GRXCR2: variants seen among roughly 807,000 people sequenced by gnomAD.
The protein encoded by GRXCR2 is glutaredoxin domain-containing cysteine-rich protein 2.
A neutral mutation model predicts 24.8 loss-of-function variants in GRXCR2; 23 were observed. The observed-to-expected ratio is 0.93, with a 90% CI of 0.67 to 1.32. GRXCR2 has a LOEUF of 1.32. Among genes scored for constraint, GRXCR2 ranks in the 40% most tolerant of loss-of-function variants. The pLI, the probability that GRXCR2 is intolerant of heterozygous loss-of-function variation, is 0.00. For missense variants in GRXCR2, 315 were observed against 303.4 expected, an observed-to-expected ratio of 1.04 and a Z score of -0.28; for synonymous variants, 130 against 116.1, an observed-to-expected ratio of 1.12 and a Z score of -0.77.
chr5:145,892,225 C>T (rs1581344132), intron 2 of GRXCR2, among the ~76,000 whole-genome samples: 1 of 152,122 alleles, frequency 6.6e-6, no homozygotes, highest in East Asian at 1.9e-4. Context: ...AATCAGAGCG[C>T]CTCTCCTCCT....
intron 2 of GRXCR2, among the ~76,000 whole-genome samples, chr5:145,865,426 G>C (rs965934872): frequency 6.6e-6 from 1 of 152,162 alleles, no homozygotes; most frequent in Non-Finnish European, 1.5e-5. Flanking sequence ...ACACTTCTAA[G>C]GGGTATGAGA....
At chr5:145,869,249 T>A (rs1756485358) in intron 1 of GRXCR2, among the ~76,000 whole-genome samples, 1 of 152,236 alleles carries the variant, frequency 6.6e-6, no homozygotes, top group Non-Finnish European at 1.5e-5. Context: ...ACTTCCGTTT[T>A]TCCAATCTGT....
At chr5:145,881,279 C>G (rs142904601) in intron 2 of GRXCR2, among the ~76,000 whole-genome samples, 5,512 of 152,258 alleles carry the variant, frequency 0.036, 271 homozygotes, top group African/African-American at 0.11. Flanking sequence ...ATTTAGAAAA[C>G]CCTATTGTCT....
chr5:145,883,703 G>A (rs1280610280), intron 2 of GRXCR2, among the ~76,000 whole-genome samples: 2 of 152,024 alleles, frequency 1.3e-5, no homozygotes, highest in Non-Finnish European at 2.9e-5. Context: ...GACCAGCCTG[G>A]GCAAGTTGGT....
chr5:145,891,627 G>A (rs980558456), intron 2 of GRXCR2, among the ~76,000 whole-genome samples: 26 of 152,182 alleles, frequency 1.7e-4, no homozygotes, highest in Non-Finnish European at 3.4e-4. Context: ...GGTAAACAAA[G>A]CGGCCAGGAA....
intron 2 of GRXCR2, among the ~76,000 whole-genome samples, chr5:145,894,309 C>T (rs897555998): frequency 4.0e-5 from 6 of 151,798 alleles, no homozygotes; most frequent in African/African-American, 1.5e-4. Context: ...GAAATAGAGA[C>T]ACAAAAACCC....
upstream of GRXCR2, among the ~76,000 whole-genome samples, chr5:145,877,317 T>TA (rs550750034): frequency 7.4e-4 from 108 of 146,792 alleles, no homozygotes; most frequent in African/African-American, 1.9e-3. Flanking sequence ...AAAGGTCGAT[T>TA]AAAAAAAAAA....
rs548778320 is a variant in GRXCR2, at chr5:145,882,989, A to G, written c.-69-16261T>C. 3.6e-4 allele frequency among the ~76,000 whole-genome samples: 43 copies of G among 120,270 alleles called. No individual in the cohort carries two copies. In the East Asian group the frequency reaches 1.0e-2, roughly 28 times the overall value. The allele number at this position is 120,270 out of a possible 152,430, so 78.9% of individuals were successfully genotyped here. ...TTGAACAATGAGAACATTTGGACACAGGGCGGGGAACATCACACACCAGGG... is the reference window on the plus strand; with the variant it reads ...TTGAACAATGAGAACATTTGGACACGGGGCGGGGAACATCACACACCAGGG... On this transcript the variant is annotated intron_variant, in intron 2 of 3. Transcript: ENST00000639411.
chr5:145,868,260 C>T (rs1756468485), intron 1 of GRXCR2, among the ~76,000 whole-genome samples: 1 of 152,148 alleles, frequency 6.6e-6, no homozygotes, highest in South Asian at 2.1e-4. Flanking sequence ...CTCAATACCT[C>T]AGCATGAAGT....
chr5:145,884,702 T>C lies in GRXCR2; in HGVS notation c.-69-17974A>G, dbSNP rs1475590530. Among the ~76,000 whole-genome samples the C allele has an allele frequency of 2.0e-5, 3 of 152,210 alleles. No homozygotes were observed. In the East Asian group the frequency reaches 5.8e-4, roughly 29 times the overall value. ...TCCAATTTTTGTATGTTTGAAATGTTTATAATAAAAATTGAAGAGAAATTA... is the reference window on the plus strand; with the variant it reads ...TCCAATTTTTGTATGTTTGAAATGTCTATAATAAAAATTGAAGAGAAATTA... On this transcript the variant is annotated intron_variant, in intron 2 of 3. Transcript: ENST00000639411.
In GRXCR2 at chr5:145,859,640, T is replaced by C; in HGVS notation, c.*93A>G. On this transcript the variant is annotated 3_prime_UTR_variant, in exon 3 of 3. Coordinates refer to ENST00000377976, the MANE Select transcript of GRXCR2 (RefSeq NM_001080516.2). ...AGTGACTGCAGCCACTGTGGCCTCC[T>C]TGTTGGGAGAGGCAGGAGGAGGAGA... 8.3e-7 allele frequency: 1 copy of C among 1,201,456 alleles called. No individual in the cohort carries two copies. The allele number at this position is 1,201,456 out of a possible 1,614,324, so 74.4% of individuals were successfully genotyped here.
intron 2 of GRXCR2, among the ~76,000 whole-genome samples, chr5:145,889,184 GAAAGAAAGA>G (rs1376842758): frequency 2.7e-5 from 3 of 112,872 alleles, no homozygotes; most frequent in Non-Finnish European, 5.7e-5. Flanking sequence ...AAGAAAGAAA[GAAAGAAAGA>G]AAGAAAGAAA....
intron 1 of GRXCR2, among the ~76,000 whole-genome samples, chr5:145,871,283 C>A (rs1434673679): frequency 6.6e-6 from 1 of 152,042 alleles, no homozygotes; most frequent in African/African-American, 2.4e-5. Context: ...AATAAGCACT[C>A]AACAAATGGT....
intron 2 of GRXCR2, among the ~76,000 whole-genome samples, chr5:145,919,861 C>T (rs1437732370): frequency 1.3e-5 from 2 of 152,150 alleles, no homozygotes; most frequent in Non-Finnish European, 2.9e-5. Context: ...TCTGCCCCAA[C>T]CTCCCCAAAA....
intron 2 of GRXCR2, among the ~76,000 whole-genome samples, chr5:145,913,047 A>G (rs1167451348): frequency 6.6e-6 from 1 of 152,210 alleles, no homozygotes; most frequent in Non-Finnish European, 1.5e-5. Context: ...TTTATTTCAG[A>G]GTAATTTTAG....
intron 2 of GRXCR2, among the ~76,000 whole-genome samples, chr5:145,916,049 C>G (rs1231855904): frequency 6.6e-6 from 1 of 152,110 alleles, no homozygotes; most frequent in Non-Finnish European, 1.5e-5. Context: ...CATGGGGAAG[C>G]AGATGATGCT....
At chr5:145,882,115 G>T (rs1756711097) in intron 2 of GRXCR2, among the ~76,000 whole-genome samples, 1 of 152,146 alleles carries the variant, frequency 6.6e-6, no homozygotes, top group African/African-American at 2.4e-5. Context: ...CATGGGCAAG[G>T]ACTTCATGAC....
chr5:145,863,074 C>T (rs1054319875), intron 2 of GRXCR2, among the ~76,000 whole-genome samples: 1 of 152,204 alleles, frequency 6.6e-6, no homozygotes, highest in Non-Finnish European at 1.5e-5. Context: ...TTTTCCCTTT[C>T]CACCTTTTGC....
chr5:145,912,570 G>T (rs1361156191), intron 2 of GRXCR2, among the ~76,000 whole-genome samples: 1 of 152,188 alleles, frequency 6.6e-6, no homozygotes, highest in African/African-American at 2.4e-5. Context: ...CAATTTGATA[G>T]ATGGTGGTAA....
Sources: allele counts gnomAD v4.1 joint callset (sites outside exome capture counted in the v4.1 genomes callset), GRCh38; gene constraint gnomAD v4.1.1; transcripts MANE v1.5; gene names NCBI Gene and HGNC (gene_info 2026-07-23, HGNC 2026-07-21).